Variants in FYN observed in about 807,000 individuals in gnomAD.
FYN encodes tyrosine-protein kinase Fyn.
Under a neutral mutation model 70.2 loss-of-function variants are expected in FYN, and 10 were observed. The ratio of observed to expected loss-of-function variants is 0.14; its 90% CI spans 0.09 to 0.24. The LOEUF is 0.24. Among genes scored for constraint, FYN ranks in the 10% least tolerant of loss-of-function variants. The pLI is 1.00. For synonymous variants in FYN, 236 were observed against 248.6 expected (o/e 0.95, Z 0.48); for missense variants, 319 against 673.1 (o/e 0.47, Z 5.82).
At chr6:111,866,687 G>A (rs1417784469) in intron 1 of FYN, among the ~76,000 whole-genome samples, 1 of 152,238 alleles carries the variant, frequency 6.6e-6, no homozygotes, top group Non-Finnish European at 1.5e-5. Context: ...GCTGAGAGGT[G>A]TGAAACCTGG....
chr6:111,810,513 GC>G, intron 2 of FYN, among the ~76,000 whole-genome samples: 1 of 152,204 alleles, frequency 6.6e-6, no homozygotes, highest in East Asian at 1.9e-4. Flanking sequence ...TTTTAGTTCG[GC>G]CCTGTTTCAT....
chr6:111,793,460 T>C (rs1771698609), intron 2 of FYN, among the ~76,000 whole-genome samples: 1 of 152,158 alleles, frequency 6.6e-6, no homozygotes, highest in African/African-American at 2.4e-5. Context: ...TTTCCCTCTG[T>C]GGCACAAAGT....
At chr6:111,733,607 T>A (rs9387031) in intron 3 of FYN, among the ~76,000 whole-genome samples, 2 of 152,178 alleles carry the variant, frequency 1.3e-5, no homozygotes, top group Non-Finnish European at 2.9e-5. Flanking sequence ...CCCAGTTTCC[T>A]CATCAGTGCA....
chr6:111,701,150 ATTCT>A (rs957831542), intron 8 of FYN, among the ~76,000 whole-genome samples: 12 of 152,204 alleles, frequency 7.9e-5, no homozygotes, highest in Admixed American at 1.3e-4. Context: ...GGAGGTTTTT[ATTCT>A]TTCTTTGTCT....
chr6:111,781,840 C>A (rs1771186027), intron 2 of FYN, among the ~76,000 whole-genome samples: 1 of 152,182 alleles, frequency 6.6e-6, no homozygotes, highest in Non-Finnish European at 1.5e-5. Flanking sequence ...TTATGAACAT[C>A]TTTCAATACT....
At chr6:111,829,284 C>A (rs1251092245) in intron 2 of FYN, among the ~76,000 whole-genome samples, 3 of 152,170 alleles carry the variant, frequency 2.0e-5, no homozygotes, top group Non-Finnish European at 4.4e-5. Context: ...TGGTCTTGAA[C>A]AAGTAGTACT....
At chr6:111,830,770 G>A (rs535324125) in intron 2 of FYN, among the ~76,000 whole-genome samples, 1 of 152,246 alleles carries the variant, frequency 6.6e-6, no homozygotes, top group East Asian at 1.9e-4. Flanking sequence ...AGTAACTGAG[G>A]ATATAAGGGG....
intron 6 of FYN, among the ~76,000 whole-genome samples, chr6:111,706,144 G>A (rs1425474149): frequency 6.6e-6 from 1 of 152,100 alleles, no homozygotes; most frequent in Non-Finnish European, 1.5e-5. Context: ...TTTGTTATTT[G>A]CCTTATATCC....
chr6:111,737,198 C>T (rs1051019317), intron 3 of FYN, among the ~76,000 whole-genome samples: 7 of 152,216 alleles, frequency 4.6e-5, no homozygotes, highest in Admixed American at 6.5e-5. Flanking sequence ...ATCAAGCAAG[C>T]AAGCAAGCAA....
intron 1 of FYN, among the ~76,000 whole-genome samples, chr6:111,853,248 C>T (rs1773734851): frequency 6.6e-6 from 1 of 152,176 alleles, no homozygotes. Context: ...AGGATCCAGT[C>T]CTGTCATACA....
chr6:111,769,721 G>A (rs1234675095), intron 3 of FYN, among the ~76,000 whole-genome samples: 1 of 151,512 alleles, frequency 6.6e-6, no homozygotes, highest in African/African-American at 2.4e-5. Flanking sequence ...CTTTAAGAAA[G>A]AATGAATTAA....
chr6:111,770,162 G>A (rs1370104559), intron 3 of FYN, among the ~76,000 whole-genome samples: 1 of 152,106 alleles, frequency 6.6e-6, no homozygotes, highest in Non-Finnish European at 1.5e-5. Context: ...ATTGAGATAC[G>A]CTGTAAATGT....
chr6:111,670,174 T>C (rs1390708600), intron 13 of FYN, among the ~76,000 whole-genome samples: 1 of 152,202 alleles, frequency 6.6e-6, no homozygotes, highest in Non-Finnish European at 1.5e-5. Flanking sequence ...GTTTCAACCA[T>C]GAGCTAGAAA....
intron 2 of FYN, among the ~76,000 whole-genome samples, chr6:111,794,471 G>A (rs1771738461): frequency 6.6e-6 from 1 of 152,166 alleles, no homozygotes; most frequent in Admixed American, 6.5e-5. Flanking sequence ...AATTCCTCGA[G>A]AGTCTGCAGC....
intron 2 of FYN, among the ~76,000 whole-genome samples, chr6:111,838,055 C>T (rs1489542473): frequency 1.3e-5 from 2 of 152,176 alleles, no homozygotes; most frequent in Non-Finnish European, 2.9e-5. Context: ...GAGCTGCTCT[C>T]CACAGACCAC....
chr6:111,662,775 G>A (rs771883630), intron 13 of FYN, among the ~76,000 whole-genome samples: 5 of 152,194 alleles, frequency 3.3e-5, no homozygotes, highest in Non-Finnish European at 5.9e-5. Flanking sequence ...TCATGCCAGC[G>A]TGGCTGGGCA....
chr6:111,707,346 T>C (rs867669546), intron 6 of FYN, among the ~76,000 whole-genome samples: 1 of 152,318 alleles, frequency 6.6e-6, no homozygotes. Flanking sequence ...GTTGAATAGT[T>C]GGGCCAAATA....
intron 2 of FYN, among the ~76,000 whole-genome samples, chr6:111,801,408 C>T (rs1771979895): frequency 6.6e-6 from 1 of 152,112 alleles, no homozygotes; most frequent in African/African-American, 2.4e-5. Context: ...CCCCATTTTT[C>T]TTTTATCACC....
intron 2 of FYN, among the ~76,000 whole-genome samples, chr6:111,821,714 A>G (rs1772668488): frequency 6.6e-6 from 1 of 152,216 alleles, no homozygotes; most frequent in Non-Finnish European, 1.5e-5. Flanking sequence ...AGAATGGGAG[A>G]AAATTTTTGC....
Sources: gnomAD v4.1 joint callset for allele counts (sites outside exome capture counted in the v4.1 genomes callset) on GRCh38, gnomAD v4.1.1 for gene constraint, MANE v1.5 for transcripts, NCBI Gene and HGNC (gene_info 2026-07-23, HGNC 2026-07-21) for gene names.